SPART: variants seen among roughly 807,000 people sequenced by gnomAD.
SPART encodes the protein spartin, also known as spastic paraplegia 20 (Troyer syndrome).
SPART carries 35 observed loss-of-function variants against 58.7 expected under a neutral mutation model. The ratio of observed to expected loss-of-function variants is 0.60; its 90% CI spans 0.46 to 0.79. The LOEUF is 0.79. SPART is among the 30% of genes least tolerant of loss of function. The pLI is 0.00. For missense variants in SPART, 730 were observed against 786.1 expected (o/e 0.93, Z 0.85); for synonymous variants, 284 against 280.7 (o/e 1.01, Z -0.12).
upstream of SPART, among the ~76,000 whole-genome samples, chr13:36,350,402 C>T (rs1305637080): frequency 1.3e-5 from 2 of 152,282 alleles, no homozygotes; most frequent in Admixed American, 6.5e-5. Flanking sequence ...ATTAATATAT[C>T]GATCAATTCC....
chr13:36,360,210 G>T (rs368290653), intron 1 of SPART, among the ~76,000 whole-genome samples: 19 of 93,848 alleles, frequency 2.0e-4, no homozygotes, highest in African/African-American at 8.0e-4. Flanking sequence ...CAGGAGAATC[G>T]CTTGAACCTG....
chr13:36,324,403 G>C (rs1272267307), intron 5 of SPART, among the ~76,000 whole-genome samples: 1 of 152,136 alleles, frequency 6.6e-6, no homozygotes, highest in African/African-American at 2.4e-5. Flanking sequence ...CACTCTATTT[G>C]GCAGTCCTAG....
chr13:36,321,130 T>A (rs1405643018), intron 5 of SPART, among the ~76,000 whole-genome samples: 2 of 152,216 alleles, frequency 1.3e-5, no homozygotes, highest in African/African-American at 4.8e-5. Context: ...CCCAGTCTCA[T>A]TCGAGACACC....
At chr13:36,336,592 G>C (rs1250147927) in intron 1 of SPART, among the ~76,000 whole-genome samples, 1 of 152,144 alleles carries the variant, frequency 6.6e-6, no homozygotes, top group Non-Finnish European at 1.5e-5. Flanking sequence ...TACCTTGCTG[G>C]TGAAAGCTGA....
In SPART at chr13:36,304,558, T is replaced by C; in HGVS notation, c.1808A>G (p.Asn603Ser). 6.2e-7 allele frequency: 1 copy of C among 1,614,164 alleles called. No homozygotes were observed. The highest frequency in any genetic ancestry group is 8.5e-7 in the Non-Finnish European group (1 of 1,180,010). The change falls in exon 9 of 9, where the codon AAT (asparagine) becomes AGT (serine). Residue 603 changes from asparagine to serine, a missense_variant. Physicochemically the swap from Asn to Ser is conservative, Grantham distance 46. Transcript: ENST00000438666. ...TGCTTTGATACCAATGTTGTTAATATTGTAGGCAGTTACGCCAACATTGAC... is the reference window on the plus strand; with the variant it reads ...TGCTTTGATACCAATGTTGTTAATACTGTAGGCAGTTACGCCAACATTGAC... ...SAVNVGVTAY[N>S]INNIGIKAMV...
At chr13:36,353,140 CTTGTT>C (rs1202800973) in intron 1 of SPART, among the ~76,000 whole-genome samples, 3 of 152,102 alleles carry the variant, frequency 2.0e-5, no homozygotes, top group Admixed American at 6.5e-5. Flanking sequence ...TGTGTTTTGT[CTTGTT>C]TTGTTTTATT....
At chr13:36,307,675 T>C (rs967317631) in intron 8 of SPART, among the ~76,000 whole-genome samples, 5 of 152,242 alleles carry the variant, frequency 3.3e-5, no homozygotes, top group African/African-American at 4.8e-5. Context: ...TGATGAATTA[T>C]TGAATAGGTA....
intron 1 of SPART, among the ~76,000 whole-genome samples, chr13:36,367,204 A>T (rs575094470): frequency 3.9e-5 from 6 of 152,234 alleles, no homozygotes; most frequent in East Asian, 3.9e-4. Context: ...GCAACCTTTG[A>T]TATGCAAATG....
At chr13:36,328,292 C>T (rs1329136997) in intron 4 of SPART, among the ~76,000 whole-genome samples, 1 of 152,182 alleles carries the variant, frequency 6.6e-6, no homozygotes, top group Admixed American at 6.5e-5. Context: ...TGAGCATTTA[C>T]CATGTGGAAT....
intron 2 of SPART, among the ~76,000 whole-genome samples, chr13:36,331,938 CA>C (rs1883502386): frequency 1.3e-5 from 2 of 152,140 alleles, no homozygotes; most frequent in Non-Finnish European, 2.9e-5. Flanking sequence ...TTATTGAAAT[CA>C]GATATTCCTT....
chr13:36,310,756 G>A (rs1881006127), intron 8 of SPART, among the ~76,000 whole-genome samples: 1 of 152,042 alleles, frequency 6.6e-6, no homozygotes, highest in Non-Finnish European at 1.5e-5. Context: ...CTTTAAACTA[G>A]TCAATCCACA....
chr13:36,334,979 T>A (rs954557416), intron 2 of SPART, 42 bp downstream of exon 2: 2 of 1,480,042 alleles, frequency 1.4e-6, no homozygotes, highest in South Asian at 2.3e-5. Context: ...TGATGTAGTC[T>A]ACACGTATTT....
At chr13:36,367,183 G>C (rs1381081491) in intron 1 of SPART, among the ~76,000 whole-genome samples, 1 of 152,156 alleles carries the variant, frequency 6.6e-6, no homozygotes, top group Non-Finnish European at 1.5e-5. Flanking sequence ...CTGGCTCTTA[G>C]AGCCAGGCCA....
intron 3 of SPART, among the ~76,000 whole-genome samples, chr13:36,329,935 T>G (rs1189123326): frequency 3.3e-5 from 5 of 152,232 alleles, no homozygotes; most frequent in African/African-American, 1.2e-4. Flanking sequence ...TTTTTTAATT[T>G]TCTGCACAAT....
intron 1 of SPART, among the ~76,000 whole-genome samples, chr13:36,359,012 C>G (rs1012247570): frequency 1.3e-5 from 2 of 152,234 alleles, no homozygotes; most frequent in Admixed American, 1.3e-4. Context: ...CCTCCCACCC[C>G]CAATGAACAA....
chr13:36,327,368 C>T (rs1413558292), intron 4 of SPART, among the ~76,000 whole-genome samples: 2 of 152,098 alleles, frequency 1.3e-5, no homozygotes, highest in Non-Finnish European at 2.9e-5. Context: ...GCCAGTAACA[C>T]AAAGAATGTC....
intron 8 of SPART, among the ~76,000 whole-genome samples, chr13:36,306,044 C>T (rs1008760869): frequency 6.6e-6 from 1 of 152,088 alleles, no homozygotes; most frequent in Admixed American, 6.6e-5. Context: ...CTTATAGTGC[C>T]CCTAAAGGAT....
intron 1 of SPART, among the ~76,000 whole-genome samples, chr13:36,361,695 A>G (rs1885866459): frequency 6.6e-6 from 1 of 152,146 alleles, no homozygotes; most frequent in East Asian, 1.9e-4. Context: ...GCCCCTTTGC[A>G]TCACCCTAAA....
chr13:36,306,724 T>G (rs868799808), intron 8 of SPART, among the ~76,000 whole-genome samples: 2 of 150,898 alleles, frequency 1.3e-5, no homozygotes, highest in South Asian at 2.1e-4. Context: ...ATCTCCAATG[T>G]CAGTAACAAT....
Sources: allele counts gnomAD v4.1 joint callset (sites outside exome capture counted in the v4.1 genomes callset), GRCh38; gene constraint gnomAD v4.1.1; transcripts MANE v1.5; gene names NCBI Gene and HGNC (gene_info 2026-07-23, HGNC 2026-07-21).